Variants in GPR153 observed in about 807,000 individuals in gnomAD.
The protein encoded by GPR153 is G protein-coupled receptor 153, also known as probable G protein-coupled receptor 153.
A neutral mutation model predicts 34.1 loss-of-function variants in GPR153; 27 were observed. The ratio of observed to expected loss-of-function variants is 0.79; its 90% CI spans 0.58 to 1.09. The LOEUF is 1.09. Among genes scored for constraint, GPR153 ranks in the 50% least tolerant of loss-of-function variants. GPR153 has a pLI of 0.00. For synonymous variants in GPR153, 408 were observed against 405.4 expected (o/e 1.01, Z -0.08); for missense variants, 848 against 860.2 (o/e 0.99, Z 0.18).
chr1:6,253,141 TAGC>T (rs1434616016), intron 3 of GPR153, among the ~76,000 whole-genome samples: 2 of 152,178 alleles, frequency 1.3e-5, no homozygotes, highest in African/African-American at 4.8e-5. Context: ...CTTGTAATCC[TAGC>T]AGTTTGGGAG....
At chr1:6,250,055 G>A (rs1638406703) in intron 5 of GPR153, 52 bp from the exon 6 acceptor site, 4 of 1,261,596 alleles carry the variant, frequency 3.2e-6, no homozygotes, top group African/African-American at 3.1e-5. Context: ...GGGAAACGGG[G>A]ACAAACCCTT....
intron 1 of GPR153, among the ~76,000 whole-genome samples, chr1:6,256,899 C>T (rs1480868089): frequency 6.6e-6 from 1 of 152,224 alleles, no homozygotes; most frequent in African/African-American, 2.4e-5. Flanking sequence ...CGCACCATGA[C>T]CTATCTGGCC....
chr1:6,249,167 G>A lies in GPR153; in HGVS notation c.*171C>T. ...GTCGTCCGGGGCAGCCGTCGCCCCT[G>A]GGACAAGGCCAGCTGGGAGGAGCCG... is the stretch of plus-strand genomic sequence containing the variant. On this transcript the variant is annotated 3_prime_UTR_variant, in exon 6 of 6. Transcript: ENST00000377893. This position sits in a 1 kb window ranked among gnomAD's most constrained non-coding sequence, Gnocchi z 4.3. 1 of 476,262 alleles carries A rather than the reference G, an allele frequency of 2.1e-6. No individual in the cohort carries two copies. Among genetic ancestry groups the A allele is most frequent in the Non-Finnish European group, 3.3e-6 (1 of 301,584 alleles). 29.5% of individuals were successfully genotyped at this position (476,262 alleles called of 1,614,324 possible).
intron 3 of GPR153, 145 bp downstream of exon 3, chr1:6,253,573 C>G (rs1042135307): frequency 1.3e-6 from 1 of 776,028 alleles, no homozygotes; most frequent in African/African-American, 1.7e-5. Context: ...CTCTGAACCT[C>G]GGTTTCCAAA....
At position 6,253,875 on chromosome 1, in the gene GPR153, C is replaced by T. The variant is rs375868582; in HGVS notation, c.629G>A (p.Arg210His). The T allele has an allele frequency of 3.1e-5, 49 of 1,603,620 alleles. No homozygotes were observed. The highest frequency in any genetic ancestry group is 6.6e-5 in the South Asian group (6 of 90,560). The change falls in exon 3 of 6, where the codon CGC (arginine) becomes CAC (histidine). Residue 210 changes from arginine (R) to histidine (H), a missense_variant. Physicochemically the swap from Arg to His is conservative, Grantham distance 29. Coordinates refer to ENST00000377893, the MANE Select transcript of GPR153 (RefSeq NM_207370.4). ...AVQVGRQADR[R>H]AFTVPTIVVE... ...CACGATGGTGGGCACGGTGAAGGCG[C>T]GGCGGTCGGCCTGGCGCCCCACCTG...
intron 4 of GPR153, 112 bp from the exon 5 acceptor site, chr1:6,250,736 A>C: frequency 1.6e-6 from 1 of 611,180 alleles, no homozygotes. Flanking sequence ...GACATATACA[A>C]GGTAGGGGGC....
At chr1:6,250,842 G>C (rs1638432686) in intron 4 of GPR153, among the ~76,000 whole-genome samples, 1 of 152,232 alleles carries the variant, frequency 6.6e-6, no homozygotes, top group East Asian at 1.9e-4. Context: ...CACTCACTGA[G>C]ACAATTTCCT....
chr1:6,250,092 G>C (rs1211929727), intron 5 of GPR153, 89 bp from the exon 6 acceptor site: 1 of 1,280,266 alleles, frequency 7.8e-7, no homozygotes, highest in Non-Finnish European at 9.9e-7. Context: ...GGCCTTCCGT[G>C]GGTCAGGGAC....
chr1:6,249,941 G>T lies in GPR153; in HGVS notation c.1227C>A (p.Pro409=), dbSNP rs1638403561. Residue 409 remains proline, a synonymous_variant, in exon 6 of 6, where the codon CCC becomes CCA. Transcript: ENST00000377893. The surrounding 1 kb of genome is among the most constrained non-coding windows in gnomAD (Gnocchi z 4.3). Reference sequence around the variant, plus strand: ...CGGAGCCCCAGCGCGGCAGGAAGGCGGGCAGCGGGACGGCGGCCCACACGT... The same window carrying T: ...CGGAGCCCCAGCGCGGCAGGAAGGCTGGCAGCGGGACGGCGGCCCACACGT... ...DADVWAAVPL[P]AFLPRWGSGE... 1 of 1,282,836 alleles carries T rather than the reference G, an allele frequency of 7.8e-7. No individual in the cohort carries two copies. 79.5% of individuals were successfully genotyped at this position (1,282,836 alleles called of 1,614,324 possible).
chr1:6,259,792 G>A (rs1394756150), intron 1 of GPR153, among the ~76,000 whole-genome samples: 1 of 152,210 alleles, frequency 6.6e-6, no homozygotes, highest in Non-Finnish European at 1.5e-5. Flanking sequence ...AGTGACCACA[G>A]ATCCACGGAT....
intron 1 of GPR153, among the ~76,000 whole-genome samples, chr1:6,260,340 C>A (rs915719852): frequency 6.8e-6 from 1 of 147,570 alleles, no homozygotes; most frequent in Non-Finnish European, 1.5e-5. Context: ...CCCCCCCAGC[C>A]CCCGCCCCTA....
Position 6,257,031 on chromosome 1 carries a change from C to T in GPR153, c.-109-2017G>A, listed in dbSNP as rs1638582425. 2.0e-5 allele frequency among the ~76,000 whole-genome samples: 3 copies of T among 152,126 alleles called. No homozygotes were observed. The South Asian group carries it at 6.3e-4, about 32-fold the overall frequency. ...AAGTGCGTATTCCCTCACTTCCGTC[C>T]ACTCCTGGTCAAAGCTCAATATCTG... is the stretch of plus-strand genomic sequence containing the variant. On this transcript the variant is annotated intron_variant, in intron 1 of 5. Transcript: ENST00000377893.
chr1:6,248,868 C>CA lies in GPR153; in HGVS notation c.*469_*470insT, dbSNP rs1315494976. On this transcript the variant is annotated 3_prime_UTR_variant, in exon 6 of 6. Transcript: ENST00000377893. ...CTTAGAGACCCTCTGTACCCTCCCC[C>CA]CCCCCGAAGGGTGTGGCGGTTATGG... The CA allele has an allele frequency of 6.5e-6, 1 of 153,768 alleles. No homozygotes were observed. The highest frequency in any genetic ancestry group is 1.4e-5 in the Non-Finnish European group (1 of 69,206). 9.5% of individuals were successfully genotyped at this position (153,768 alleles called of 1,614,324 possible). A position where few individuals can be genotyped will look rare whatever the true frequency, so the allele number is the denominator to read the frequency against.
At chr1:6,255,315 C>T (rs954994822) in intron 1 of GPR153, among the ~76,000 whole-genome samples, 2 of 151,952 alleles carry the variant, frequency 1.3e-5, no homozygotes, top group Admixed American at 1.3e-4. Flanking sequence ...TCTCCCACCT[C>T]AGCCTCCTGA....
At chr1:6,254,195 G>T (rs1429212201) in intron 2 of GPR153, 48 bp from the exon 3 acceptor site, 11 of 1,540,142 alleles carry the variant, frequency 7.1e-6, no homozygotes, top group African/African-American at 1.4e-5. Flanking sequence ...CACCCACAGG[G>T]CCTCCCCAGG....
Position 6,251,880 on chromosome 1 carries a change from C to T in GPR153, c.787-350G>A, listed in dbSNP as rs1327834109. Among the ~76,000 whole-genome samples, 1 of 152,174 alleles carries T rather than the reference C, an allele frequency of 6.6e-6. No individual in the cohort carries two copies. The highest frequency in any genetic ancestry group is 1.5e-5 in the Non-Finnish European group (1 of 68,030). On this transcript the variant is annotated intron_variant, in intron 3 of 5. Coordinates refer to ENST00000377893, the MANE Select transcript of GPR153 (RefSeq NM_207370.4). This position sits in a 1 kb window ranked among gnomAD's most constrained non-coding sequence, Gnocchi z 4.9. ...GCTCAATCATGGCTCACTGCAGCCT[C>T]CATCTCCTGGGCTTAAGAGATCCTC...
At position 6,260,913 on chromosome 1, in the gene GPR153, G is replaced by T. The variant is rs1049859422; in HGVS notation, c.-198C>A. On this transcript the variant is annotated 5_prime_UTR_variant, in exon 1 of 6. Coordinates refer to ENST00000377893, the MANE Select transcript of GPR153 (RefSeq NM_207370.4). Reference sequence around the variant, plus strand: ...CGCGCCCCCGGGCCGAGCGCAGGCCGCCGAGGGCCGCGGGGGTGGCTGGCG... The same window carrying T: ...CGCGCCCCCGGGCCGAGCGCAGGCCTCCGAGGGCCGCGGGGGTGGCTGGCG... The T allele has an allele frequency of 6.8e-6, 1 of 147,462 alleles. No individual in the cohort carries two copies. The allele number at this position is 147,462 out of a possible 1,614,324, so 9.1% of individuals were successfully genotyped here.
intron 2 of GPR153, 24 bp from the exon 3 acceptor site, chr1:6,254,171 G>A (rs768937526): frequency 1.9e-6 from 3 of 1,587,376 alleles, no homozygotes; most frequent in Non-Finnish European, 2.6e-6. Flanking sequence ...GGGTGGAACA[G>A]AGGGATCTGG....
chr1:6,257,029 TC>T lies in GPR153; in HGVS notation c.-109-2016del, dbSNP rs545432553. On this transcript the variant is annotated intron_variant, in intron 1 of 5. Coordinates refer to ENST00000377893, the MANE Select transcript of GPR153 (RefSeq NM_207370.4). The stretch of plus-strand genomic sequence containing the variant: ...ATAAGTGCGTATTCCCTCACTTCCG[TC>T]CACTCCTGGTCAAAGCTCAATATCT... Among the ~76,000 whole-genome samples, 37 of 152,296 alleles carry T rather than the reference TC, an allele frequency of 2.4e-4. No homozygotes were observed. The South Asian group carries it at 7.2e-3, about 30-fold the overall frequency.
Sources: gnomAD v4.1 joint callset for allele counts (sites outside exome capture counted in the v4.1 genomes callset) on GRCh38, gnomAD v4.1.1 for gene constraint, Gnocchi (gnomAD v3.1) non-coding constraint, MANE v1.5 for transcripts, NCBI Gene and HGNC (gene_info 2026-07-23, HGNC 2026-07-21) for gene names.